The following NEDD4L variants were observed in gnomAD, a reference collection of about 807,000 sequenced individuals.
The protein encoded by NEDD4L is NEDD4 like E3 ubiquitin protein ligase.
In NEDD4L, 54 loss-of-function variants were observed where a neutral mutation model predicts 148.9. That is an observed-to-expected ratio of 0.36 (90% confidence interval 0.29 to 0.45). NEDD4L has a LOEUF of 0.45. Ranked by LOEUF, NEDD4L falls within the 20% of genes least tolerant of loss-of-function variation. The probability of loss-of-function intolerance (pLI) is 1.00; values close to 1 mark genes in which losing one functional copy is unlikely to be tolerated. For missense variants in NEDD4L, 856 were observed against 1,233.8 expected, an observed-to-expected ratio of 0.69 and a Z score of 4.59; for synonymous variants, 433 against 440.7, an observed-to-expected ratio of 0.98 and a Z score of 0.22.
chr18:58,332,674 T>C (rs780757633), intron 11 of NEDD4L, among the ~76,000 whole-genome samples: 1 of 152,090 alleles, frequency 6.6e-6, no homozygotes, highest in South Asian at 2.1e-4. Context: ...CAGTAACCAA[T>C]GTGGGAAGAT....
chr18:58,341,922 T>A, intron 15 of NEDD4L, 125 bp downstream of exon 15: 1 of 1,109,406 alleles, frequency 9.0e-7, no homozygotes, highest in Non-Finnish European at 1.3e-6. Flanking sequence ...GTGTTGGTAG[T>A]GAAGGGTGTT....
chr18:58,248,075 G>A (rs1038850877), intron 3 of NEDD4L, among the ~76,000 whole-genome samples: 1 of 152,118 alleles, frequency 6.6e-6, no homozygotes, highest in African/African-American at 2.4e-5. Flanking sequence ...AATATCTATC[G>A]CTGTTGGTGA....
intron 2 of NEDD4L, among the ~76,000 whole-genome samples, chr18:58,186,096 C>CATAT (rs1568349837): frequency 1.2e-3 from 162 of 140,664 alleles, no homozygotes; most frequent in African/African-American, 4.8e-3. Flanking sequence ...GAGAAGGATA[C>CATAT]GTATGCACAC....
intron 1 of NEDD4L, among the ~76,000 whole-genome samples, chr18:58,157,262 G>A (rs1254591631): frequency 1.3e-5 from 2 of 150,548 alleles, no homozygotes; most frequent in Non-Finnish European, 3.0e-5. Flanking sequence ...TGTGACTTTT[G>A]CCTGTTTATT....
intron 28 of NEDD4L, among the ~76,000 whole-genome samples, chr18:58,389,787 T>C (rs1456858752): frequency 1.3e-5 from 2 of 151,578 alleles, no homozygotes; most frequent in Admixed American, 6.6e-5. Flanking sequence ...GATTATTTAC[T>C]TCACCCCAAA....
intron 2 of NEDD4L, chr18:58,189,757 C>T (rs746524513): frequency 6.6e-6 from 1 of 152,166 alleles, no homozygotes; most frequent in South Asian, 2.1e-4. Context: ...TAGTGAAGCC[C>T]GTGACCCACA....
chr18:58,197,305 G>A (rs751664973), intron 2 of NEDD4L, among the ~76,000 whole-genome samples: 118 of 152,240 alleles, frequency 7.8e-4, no homozygotes, highest in Non-Finnish European at 1.5e-3. Context: ...TGCTTTGCAC[G>A]CAAGGTGATG....
Position 58,335,476 on chromosome 18 carries a change from A to C in NEDD4L, c.1066-2A>C, listed in dbSNP as rs757591015. 5.0e-6 allele frequency: 8 copies of C among 1,613,016 alleles called. No individual in the cohort carries two copies. In the Admixed American group the frequency reaches 1.2e-4, roughly 24 times the overall value. ...TTCACTGATGTAAATTATCATTCAC[A>C]GCCCAGTGCCCCAGCTGGGAGAGCG... On this transcript the variant is annotated splice_acceptor_variant, in intron 12 of 30. Transcript: ENST00000400345. LOFTEE classifies it high-confidence loss of function.
intron 6 of NEDD4L, among the ~76,000 whole-genome samples, chr18:58,318,548 T>C (rs192170210): frequency 2.6e-5 from 4 of 152,270 alleles, no homozygotes; most frequent in Admixed American, 1.3e-4. Flanking sequence ...CAGAGCAAGC[T>C]CTCCTTTTGC....
chr18:58,282,900 G>C (rs1373151697), intron 5 of NEDD4L, among the ~76,000 whole-genome samples: 1 of 152,126 alleles, frequency 6.6e-6, no homozygotes, highest in Non-Finnish European at 1.5e-5. Flanking sequence ...CACAAAGGGG[G>C]ATTTTCTTGC....
At chr18:58,269,288 A>G (rs1013888017) in intron 5 of NEDD4L, among the ~76,000 whole-genome samples, 2 of 152,054 alleles carry the variant, frequency 1.3e-5, no homozygotes, top group African/African-American at 2.4e-5. Context: ...ATCATGGCTT[A>G]AAACTCTCAG....
intron 19 of NEDD4L, among the ~76,000 whole-genome samples, chr18:58,359,119 A>G (rs1234954946): frequency 6.6e-6 from 1 of 151,776 alleles, no homozygotes; most frequent in African/African-American, 2.4e-5. Context: ...TTGCTATTGG[A>G]TCTAATCAAG....
At chr18:58,381,797 G>A (rs965548646) in intron 24 of NEDD4L, among the ~76,000 whole-genome samples, 2 of 152,134 alleles carry the variant, frequency 1.3e-5, no homozygotes, top group African/African-American at 2.4e-5. Flanking sequence ...AACCAGCCAC[G>A]AACTGGCAGA....
At chr18:58,287,349 T>A (rs1467827576) in intron 5 of NEDD4L, among the ~76,000 whole-genome samples, 8 of 152,170 alleles carry the variant, frequency 5.3e-5, no homozygotes, top group Admixed American at 4.6e-4. Flanking sequence ...TTAAAAAGTA[T>A]ATGTAAGATA....
intron 2 of NEDD4L, among the ~76,000 whole-genome samples, chr18:58,191,105 A>C (rs1198955398): frequency 2.0e-5 from 3 of 152,094 alleles, no homozygotes; most frequent in African/African-American, 7.2e-5. Flanking sequence ...GCAGAGTGAG[A>C]CTCTGTCTCT....
chr18:58,331,094 A>G (rs779558577), intron 11 of NEDD4L, among the ~76,000 whole-genome samples, 180 bp downstream of exon 11: 6 of 152,250 alleles, frequency 3.9e-5, no homozygotes, highest in Non-Finnish European at 7.3e-5. Context: ...TAGCCCAAGC[A>G]GGTGAGAATC....
chr18:58,077,835 G>T (rs933588608), intron 1 of NEDD4L, among the ~76,000 whole-genome samples: 1 of 152,100 alleles, frequency 6.6e-6, no homozygotes, highest in Non-Finnish European at 1.5e-5. Context: ...TCAACCAGGG[G>T]CAGTTTTGTG....
intron 1 of NEDD4L, among the ~76,000 whole-genome samples, chr18:58,054,220 C>T (rs1180384957): frequency 6.6e-6 from 1 of 152,188 alleles, no homozygotes; most frequent in Non-Finnish European, 1.5e-5. Context: ...GTGTTTGTGT[C>T]CCACAGCGTG....
At chr18:58,075,066 C>T (rs530598683) in intron 1 of NEDD4L, among the ~76,000 whole-genome samples, 8 of 152,308 alleles carry the variant, frequency 5.3e-5, no homozygotes, top group South Asian at 2.1e-4. Context: ...GTTCATCTTA[C>T]GCACCATTCT....
Sources: allele counts gnomAD v4.1 joint callset (sites outside exome capture counted in the v4.1 genomes callset), GRCh38; gene constraint gnomAD v4.1.1; transcripts MANE v1.5; gene names NCBI Gene and HGNC (gene_info 2026-07-23, HGNC 2026-07-21).